Variants in STXBP5L observed in about 807,000 individuals in gnomAD.
STXBP5L encodes syntaxin-binding protein 5-like.
In STXBP5L, 65 loss-of-function variants were observed where a neutral mutation model predicts 144.5. That is an observed-to-expected ratio of 0.45 (90% confidence interval 0.37 to 0.55). The LOEUF (loss-of-function observed/expected upper bound fraction) is 0.55. Ranked by LOEUF, STXBP5L falls within the 20% of genes least tolerant of loss-of-function variation. STXBP5L has a pLI of 0.00. For synonymous variants in STXBP5L, 505 were observed against 469.6 expected, an observed-to-expected ratio of 1.08 and a Z score of -0.97; for missense variants, 1,298 against 1,405.5, an observed-to-expected ratio of 0.92 and a Z score of 1.22.
At chr3:121,116,788 A>G (rs897908997) in intron 6 of STXBP5L, among the ~76,000 whole-genome samples, 8 of 151,970 alleles carry the variant, frequency 5.3e-5, no homozygotes, top group African/African-American at 1.4e-4. Context: ...TAGTCCTATA[A>G]AAGCAATAAA....
At chr3:120,950,848 T>C (rs181984549) in intron 2 of STXBP5L, among the ~76,000 whole-genome samples, 3 of 152,198 alleles carry the variant, frequency 2.0e-5, no homozygotes, top group East Asian at 3.9e-4. Flanking sequence ...CATCGCCAAG[T>C]CAACCCTAAG....
intron 14 of STXBP5L, among the ~76,000 whole-genome samples, chr3:121,244,887 CTG>C (rs983249923): frequency 6.6e-6 from 1 of 152,090 alleles, no homozygotes; most frequent in African/African-American, 2.4e-5. Flanking sequence ...TAAACAAAAA[CTG>C]AAGGAATTCA....
At chr3:121,359,786 A>G (rs974213081) in intron 20 of STXBP5L, among the ~76,000 whole-genome samples, 1 of 151,720 alleles carries the variant, frequency 6.6e-6, no homozygotes, top group African/African-American at 2.4e-5. Flanking sequence ...TGGATTCTCT[A>G]TTCTGTCCCA....
intron 20 of STXBP5L, among the ~76,000 whole-genome samples, chr3:121,329,780 A>T (rs1234242711): frequency 6.6e-6 from 1 of 152,080 alleles, no homozygotes; most frequent in Non-Finnish European, 1.5e-5. Flanking sequence ...GAATTGCTTG[A>T]ACCCAGGAGG....
chr3:121,308,479 A>G (rs1371427368), intron 19 of STXBP5L, among the ~76,000 whole-genome samples: 1 of 152,128 alleles, frequency 6.6e-6, no homozygotes, highest in African/African-American at 2.4e-5. Context: ...TAAGGTAACT[A>G]TGTAATTATG....
chr3:121,269,176 T>TA (rs2050664215), intron 18 of STXBP5L, among the ~76,000 whole-genome samples: 1 of 152,062 alleles, frequency 6.6e-6, no homozygotes. Context: ...TTATAAGAAA[T>TA]ATGTGGAAAC....
At chr3:121,398,290 C>A (rs1432543730) in intron 22 of STXBP5L, among the ~76,000 whole-genome samples, 1 of 152,258 alleles carries the variant, frequency 6.6e-6, no homozygotes, top group African/African-American at 2.4e-5. Context: ...GATCCACAGA[C>A]TCCTGTTGGG....
At chr3:121,061,643 C>T (rs1435167203) in intron 5 of STXBP5L, among the ~76,000 whole-genome samples, 5 of 152,062 alleles carry the variant, frequency 3.3e-5, no homozygotes, top group Admixed American at 1.3e-4. Context: ...CTAGTGAATC[C>T]GGGTGCTCCT....
At chr3:121,339,449 C>T (rs1188216572) in intron 20 of STXBP5L, among the ~76,000 whole-genome samples, 2 of 152,020 alleles carry the variant, frequency 1.3e-5, no homozygotes, top group African/African-American at 4.8e-5. Context: ...AAACCACAGC[C>T]AACATCATAC....
chr3:121,026,260 A>G (rs969983273), intron 3 of STXBP5L, among the ~76,000 whole-genome samples: 1 of 151,762 alleles, frequency 6.6e-6, no homozygotes, highest in African/African-American at 2.4e-5. Flanking sequence ...TTAATTCACA[A>G]TTAAATGTCT....
At chr3:121,200,360 G>T (rs2048090852) in intron 9 of STXBP5L, among the ~76,000 whole-genome samples, 1 of 151,966 alleles carries the variant, frequency 6.6e-6, no homozygotes, top group South Asian at 2.1e-4. Flanking sequence ...GCATCTATTT[G>T]ATTCTTCTCT....
intron 9 of STXBP5L, among the ~76,000 whole-genome samples, chr3:121,160,628 T>C (rs1043209533): frequency 6.6e-6 from 1 of 152,138 alleles, no homozygotes. Flanking sequence ...CAACGGATAC[T>C]GGGAATAACC....
intron 5 of STXBP5L, among the ~76,000 whole-genome samples, chr3:121,089,906 G>C (rs1158826899): frequency 6.6e-6 from 1 of 151,832 alleles, no homozygotes; most frequent in East Asian, 1.9e-4. Context: ...ATTTTAAGTA[G>C]TAAAATTTGT....
intron 10 of STXBP5L, among the ~76,000 whole-genome samples, chr3:121,216,404 T>A (rs2048778493): frequency 6.6e-6 from 1 of 152,234 alleles, no homozygotes; most frequent in Admixed American, 6.5e-5. Context: ...TGCTATTCCT[T>A]TCTGTTTGTC....
intron 2 of STXBP5L, among the ~76,000 whole-genome samples, chr3:120,941,409 G>A (rs2107653143): frequency 6.6e-6 from 1 of 151,732 alleles, no homozygotes; most frequent in Non-Finnish European, 1.5e-5. Flanking sequence ...TAACATCCTA[G>A]CATTATATAA....
At chr3:121,045,628 A>G in intron 5 of STXBP5L, 93 bp downstream of exon 5, 3 of 1,061,226 alleles carry the variant, frequency 2.8e-6, no homozygotes, top group Non-Finnish European at 1.4e-6. Flanking sequence ...TTTCCTCATA[A>G]TCTCAACAGC....
intron 3 of STXBP5L, among the ~76,000 whole-genome samples, chr3:121,038,821 C>T (rs1048642878): frequency 8.6e-5 from 13 of 151,512 alleles, no homozygotes; most frequent in Middle Eastern, 3.4e-3. Context: ...TAATTTAACC[C>T]ATTTATTATT....
intron 7 of STXBP5L, among the ~76,000 whole-genome samples, chr3:121,141,838 G>A (rs1297440508): frequency 1.3e-5 from 2 of 151,696 alleles, no homozygotes; most frequent in African/African-American, 2.4e-5. Context: ...AGAGAGGAAA[G>A]GACAGACAAA....
intron 23 of STXBP5L, among the ~76,000 whole-genome samples, chr3:121,408,347 C>G (rs2047041585): frequency 6.6e-6 from 1 of 151,594 alleles, no homozygotes; most frequent in Non-Finnish European, 1.5e-5. Context: ...CACTTATTTC[C>G]AAAAATCATT....
Sources: gnomAD v4.1 joint callset for allele counts (sites outside exome capture counted in the v4.1 genomes callset) on GRCh38, gnomAD v4.1.1 for gene constraint, MANE v1.5 for transcripts, NCBI Gene and HGNC (gene_info 2026-07-23, HGNC 2026-07-21) for gene names.